Variants in NDRG3 observed in about 807,000 individuals in gnomAD.
NDRG3 encodes NDRG family member 3, also known as protein NDRG3.
Under a neutral mutation model 57.2 loss-of-function variants are expected in NDRG3, and 23 were observed. The observed-to-expected ratio is 0.40, with a 90% CI of 0.29 to 0.57. NDRG3 has a LOEUF of 0.57. Ranked by LOEUF, NDRG3 falls within the 20% of genes least tolerant of loss-of-function variation. The pLI is 0.42. For missense variants in NDRG3, 384 were observed against 457.3 expected (o/e 0.84, Z 1.46); for synonymous variants, 132 against 162.6 (o/e 0.81, Z 1.43).
intron 5 of NDRG3, among the ~76,000 whole-genome samples, chr20:36,685,262 G>A (rs1325280661): frequency 1.3e-5 from 2 of 151,618 alleles, no homozygotes; most frequent in East Asian, 3.9e-4. Flanking sequence ...GTTTCACTTA[G>A]GCATAGAATA....
At chr20:36,720,495 A>G (rs1404511320) in intron 2 of NDRG3, among the ~76,000 whole-genome samples, 8 of 152,056 alleles carry the variant, frequency 5.3e-5, no homozygotes, top group Non-Finnish European at 1.2e-4. Flanking sequence ...TTGGTAAATC[A>G]TATCACACCA....
chr20:36,680,255 G>A (rs558195205), intron 8 of NDRG3, among the ~76,000 whole-genome samples: 1 of 151,828 alleles, frequency 6.6e-6, no homozygotes, highest in African/African-American at 2.4e-5. Context: ...GGGAGGCCGA[G>A]GCGGGTGGAT....
chr20:36,734,001 C>T (rs1324840814), intron 1 of NDRG3, among the ~76,000 whole-genome samples: 2 of 152,176 alleles, frequency 1.3e-5, no homozygotes. Flanking sequence ...ATGATGGCAC[C>T]GTGAGCTAAA....
At chr20:36,728,964 C>T (rs1415416131) in intron 1 of NDRG3, among the ~76,000 whole-genome samples, 2 of 151,902 alleles carry the variant, frequency 1.3e-5, no homozygotes, top group African/African-American at 2.4e-5. Context: ...TCAGGTGATC[C>T]GCCGACCTCA....
chr20:36,687,846 T>C (rs1293766309), intron 4 of NDRG3, among the ~76,000 whole-genome samples: 1 of 152,254 alleles, frequency 6.6e-6, no homozygotes, highest in Non-Finnish European at 1.5e-5. Context: ...GTCTGCAAAG[T>C]AGAAATTACT....
chr20:36,683,840 CATCCCCCAACAGCAGCATCCAGTA>C (rs1416954707), intron 6 of NDRG3, among the ~76,000 whole-genome samples: 11 of 151,966 alleles, frequency 7.2e-5, no homozygotes, highest in Non-Finnish European at 1.3e-4. Context: ...CTACTTCAAT[CATCCCCCAACAGCAGCATCCAGTA>C]CCATGCTATC....
At chr20:36,679,475 G>A (rs1181147039) in intron 8 of NDRG3, among the ~76,000 whole-genome samples, 2 of 151,704 alleles carry the variant, frequency 1.3e-5, no homozygotes, top group African/African-American at 4.8e-5. Context: ...GGTTACTAAA[G>A]AACCGTTTAG....
chr20:36,684,529 G>T (rs375233173), intron 5 of NDRG3, 54 bp from the exon 6 acceptor site: 29 of 1,471,304 alleles, frequency 2.0e-5, no homozygotes, highest in Non-Finnish European at 2.8e-5. Flanking sequence ...ATTCCCAGTT[G>T]CTAGAACAGC....
chr20:36,666,541 G>C (rs1979651348), intron 9 of NDRG3, 149 bp from the exon 10 acceptor site: 8 of 630,826 alleles, frequency 1.3e-5, no homozygotes, highest in Non-Finnish European at 2.3e-5. Flanking sequence ...TGTACTGGTA[G>C]GCTGAATGAC....
rs370368164 is a variant in NDRG3, at chr20:36,653,661, G to A, written c.987C>T (p.Thr329=). The A allele has an allele frequency of 1.2e-6, 2 of 1,613,994 alleles. No individual in the cohort carries two copies. Among genetic ancestry groups the A allele is most frequent in the African/African-American group, 1.3e-5 (1 of 74,932 alleles). ...AGCCGAGGCTACTCGAGGTTGAGTGGGTTCGTGATCGGGCGAGCCGAGTCA... is the reference window on the plus strand; with the variant it reads ...AGCCGAGGCTACTCGAGGTTGAGTGAGTTCGTGATCGGGCGAGCCGAGTCA... ...ASMTRLARSR[T]HSTSSSLGSG... Residue 329 remains threonine (T), a synonymous_variant, in exon 16 of 16, where the codon ACC becomes ACT. Transcript: ENST00000349004. The surrounding 1 kb of genome is among the most constrained non-coding windows in gnomAD (Gnocchi z 4.2).
intron 2 of NDRG3, among the ~76,000 whole-genome samples, chr20:36,710,602 T>C (rs553705548): frequency 3.4e-5 from 5 of 149,102 alleles, no homozygotes; most frequent in Non-Finnish European, 7.5e-5. Context: ...AGGTCAGGAG[T>C]TCAAGATAGG....
chr20:36,706,810 T>C (rs978376113), intron 3 of NDRG3, among the ~76,000 whole-genome samples, 162 bp downstream of exon 3: 3 of 152,060 alleles, frequency 2.0e-5, no homozygotes, highest in Non-Finnish European at 2.9e-5. Context: ...TGGCCAACAA[T>C]TGCAAATCAT....
intron 3 of NDRG3, among the ~76,000 whole-genome samples, chr20:36,699,626 A>C (rs1439739838): frequency 6.6e-6 from 1 of 152,098 alleles, no homozygotes; most frequent in Non-Finnish European, 1.5e-5. Flanking sequence ...CTCTGGCTCT[A>C]CGCATAGCAG....
chr20:36,683,796 T>C (rs1190881446), intron 6 of NDRG3, among the ~76,000 whole-genome samples: 1 of 151,926 alleles, frequency 6.6e-6, no homozygotes, highest in African/African-American at 2.4e-5. Flanking sequence ...CAGTGGAGTC[T>C]ATCTCCAGAA....
intron 3 of NDRG3, chr20:36,700,645 AC>A: frequency 2.8e-6 from 1 of 354,314 alleles, no homozygotes; most frequent in South Asian, 2.3e-5. Context: ...CTCATCTCCC[AC>A]CCCAGCATTC....
At chr20:36,736,279 G>C (rs981674740) in intron 1 of NDRG3, among the ~76,000 whole-genome samples, 1 of 152,222 alleles carries the variant, frequency 6.6e-6, no homozygotes, top group African/African-American at 2.4e-5. Context: ...TTGGGCTAAC[G>C]TAGGGCCTGA....
intron 1 of NDRG3, among the ~76,000 whole-genome samples, chr20:36,736,143 G>A (rs1311895762): frequency 2.6e-5 from 4 of 152,064 alleles, no homozygotes; most frequent in Non-Finnish European, 5.9e-5. Flanking sequence ...TGACACAGAA[G>A]CTTAACTTTT....
intron 6 of NDRG3, among the ~76,000 whole-genome samples, chr20:36,683,459 CAA>C: frequency 6.6e-6 from 1 of 150,590 alleles, no homozygotes; most frequent in Middle Eastern, 3.4e-3. Flanking sequence ...ACTAAAAATA[CAA>C]AAAAAATTAG....
At chr20:36,715,056 T>TATATA (rs1984190489) in intron 2 of NDRG3, among the ~76,000 whole-genome samples, 2 of 122,130 alleles carry the variant, frequency 1.6e-5, no homozygotes, top group African/African-American at 5.9e-5. Flanking sequence ...ATATATATAT[T>TATATA]ATATTTAAGT....
Sources: allele counts gnomAD v4.1 joint callset (sites outside exome capture counted in the v4.1 genomes callset), GRCh38; gene constraint gnomAD v4.1.1; non-coding constraint Gnocchi (gnomAD v3.1); transcripts MANE v1.5; gene names NCBI Gene and HGNC (gene_info 2026-07-23, HGNC 2026-07-21).